SLC35E3: variants seen among roughly 807,000 people sequenced by gnomAD.
The protein encoded by SLC35E3 is solute carrier family 35 member E3, also known as bladder cancer-overexpressed gene 1 protein.
In SLC35E3, 28 loss-of-function variants were observed where a neutral mutation model predicts 30.8. That is an observed-to-expected ratio of 0.91 (90% CI 0.67 to 1.25). SLC35E3 has a LOEUF of 1.25. Among genes scored for constraint, SLC35E3 ranks in the 50% most tolerant of loss-of-function variants. SLC35E3 has a pLI of 0.00. For synonymous variants in SLC35E3, 146 were observed against 149.2 expected, an observed-to-expected ratio of 0.98 and a Z score of 0.16; for missense variants, 365 against 375.4, an observed-to-expected ratio of 0.97 and a Z score of 0.23.
intron 2 of SLC35E3, among the ~76,000 whole-genome samples, chr12:68,748,384 G>C (rs1027669373): frequency 6.6e-6 from 1 of 152,024 alleles, no homozygotes; most frequent in Admixed American, 6.6e-5. Flanking sequence ...TTTTAACATT[G>C]TTGTGAAGGA....
At position 68,759,210 on chromosome 12, in the gene SLC35E3, T is replaced by G; in HGVS notation, c.726T>G (p.Tyr242Ter). ...VIAFMVNLSI[Y>*]WIIGNTSPVT... ...CTTTCATGGTGAACTTATCAATTTA[T>G]TGGATCATTGGGAACACTTCACCTG... is the stretch of plus-strand genomic sequence containing the variant. The change falls in exon 4 of 5, where the codon TAT (tyrosine) becomes TAG (stop). Residue 242 changes from tyrosine (Y) to a stop codon, truncating the protein, a stop_gained. Coordinates refer to ENST00000398004, the MANE Select transcript of SLC35E3 (RefSeq NM_018656.5). LOFTEE classifies it high-confidence loss of function. The G allele has an allele frequency of 1.2e-6, 2 of 1,613,598 alleles. No homozygotes were observed. The highest frequency in any genetic ancestry group is 2.2e-5 in the South Asian group (2 of 91,062).
chr12:68,747,660 TC>T (rs1341674819), intron 1 of SLC35E3, among the ~76,000 whole-genome samples: 2 of 152,254 alleles, frequency 1.3e-5, no homozygotes, highest in African/African-American at 4.8e-5. Flanking sequence ...ACCTTTGTAT[TC>T]ATGTGGTATT....
At chr12:68,747,016 C>G (rs1878609335) in intron 1 of SLC35E3, among the ~76,000 whole-genome samples, 1 of 152,192 alleles carries the variant, frequency 6.6e-6, no homozygotes, top group African/African-American at 2.4e-5. Context: ...TCGTTAAATG[C>G]TGTGATCGAT....
At chr12:68,763,856 G>A (rs1879301825) in intron 4 of SLC35E3, among the ~76,000 whole-genome samples, 2 of 152,154 alleles carry the variant, frequency 1.3e-5, no homozygotes, top group Admixed American at 1.3e-4. Context: ...CTCCACCTCT[G>A]CTACTTAATA....
At chr12:68,750,824 A>G (rs547330641) in intron 2 of SLC35E3, among the ~76,000 whole-genome samples, 3 of 152,270 alleles carry the variant, frequency 2.0e-5, no homozygotes, top group African/African-American at 4.8e-5. Flanking sequence ...GTATGGTTCA[A>G]ATTCCCTGCT....
In SLC35E3 at chr12:68,751,295, G is replaced by GTCTT. The variant is rs202145249; in HGVS notation, c.514-735_514-732dup. On this transcript the variant is annotated intron_variant, in intron 2 of 4. Transcript: ENST00000398004. ...TTGTCATCGTGTCCCCCCAACCTCT[G>GTCTT]TCTTTGTTTTTTTTTTTTTTTAGAC... is the stretch of plus-strand genomic sequence containing the variant. Among the ~76,000 whole-genome samples the GTCTT allele has an allele frequency of 1.5e-3, 143 of 96,016 alleles. 2 individuals carry two copies. The highest frequency in any genetic ancestry group is 3.0e-3 in the African/African-American group (77 of 25,402). 63.0% of individuals were successfully genotyped at this position (96,016 alleles called of 152,430 possible).
rs190015720 is a variant in SLC35E3, at chr12:68,766,449, G to C, written c.*1559G>C. 861 of 159,636 alleles carry C rather than the reference G, an allele frequency of 5.4e-3. 4 individuals carry two copies. Among genetic ancestry groups the C allele is most frequent in the Non-Finnish European group, 9.2e-3 (701 of 75,874 alleles). The allele number at this position is 159,636 out of a possible 1,614,324, so 9.9% of individuals were successfully genotyped here. A position where few individuals can be genotyped will look rare whatever the true frequency, so the allele number is the denominator to read the frequency against. Reference sequence around the variant, plus strand: ...TGTGGTGAGCCGAGATCATGCCATTGCTCTCCAGCCTGGGCAACAAGAGTG... The same window carrying C: ...TGTGGTGAGCCGAGATCATGCCATTCCTCTCCAGCCTGGGCAACAAGAGTG... On this transcript the variant is annotated 3_prime_UTR_variant, in exon 5 of 5. Coordinates refer to ENST00000398004, the MANE Select transcript of SLC35E3 (RefSeq NM_018656.5).
chr12:68,746,222 A>G lies in SLC35E3; in HGVS notation c.-156A>G. The G allele has an allele frequency of 3.0e-6, 2 of 658,840 alleles. No individual in the cohort carries two copies. Among genetic ancestry groups the G allele is most frequent in the African/African-American group, 1.8e-5 (1 of 55,018 alleles). The allele number at this position is 658,840 out of a possible 1,614,324, so 40.8% of individuals were successfully genotyped here. On this transcript the variant is annotated 5_prime_UTR_variant, in exon 1 of 5. Transcript: ENST00000398004. Reference sequence around the variant, plus strand: ...GGCGGCGGGGTGTGTGTCCTCTGTTAAGAGTGCTACTCGCCCGGGGTTGAT... The same window carrying G: ...GGCGGCGGGGTGTGTGTCCTCTGTTGAGAGTGCTACTCGCCCGGGGTTGAT...
chr12:68,764,915 GT>G lies in SLC35E3; in HGVS notation c.*27del, dbSNP rs1327755431. On this transcript the variant is annotated 3_prime_UTR_variant, in exon 5 of 5. Coordinates refer to ENST00000398004, the MANE Select transcript of SLC35E3 (RefSeq NM_018656.5). Reference sequence around the variant, plus strand: ...ATTGGGTTTTTGTGGAGAAAAGAATGTTGTCCCAAGAAGATAAAAAATATTG... The same window carrying G: ...ATTGGGTTTTTGTGGAGAAAAGAATGTGTCCCAAGAAGATAAAAAATATTG... 3.1e-6 allele frequency: 5 copies of G among 1,601,636 alleles called. No homozygotes were observed. The African/African-American group carries it at 4.0e-5, about 13-fold the overall frequency.
At chr12:68,756,912 C>G (rs541555869) in intron 3 of SLC35E3, among the ~76,000 whole-genome samples, 14 of 152,248 alleles carry the variant, frequency 9.2e-5, no homozygotes, top group East Asian at 1.9e-4. Flanking sequence ...CTACTTGGGA[C>G]GCTGAGGCGG....
intron 3 of SLC35E3, among the ~76,000 whole-genome samples, chr12:68,757,039 A>G (rs1196021690): frequency 6.6e-6 from 1 of 152,226 alleles, no homozygotes; most frequent in African/African-American, 2.4e-5. Flanking sequence ...TAATGGCATG[A>G]TCATCTCAAT....
rs1257284922 is a variant in SLC35E3 at position 68,768,701 on chromosome 12, G to A, written c.*3811G>A. 6.6e-6 allele frequency: 1 copy of A among 152,182 alleles called. No homozygotes were observed. Among genetic ancestry groups the A allele is most frequent in the Non-Finnish European group, 1.5e-5 (1 of 68,040 alleles). 9.4% of individuals were successfully genotyped at this position (152,182 alleles called of 1,614,324 possible). A position where few individuals can be genotyped will look rare whatever the true frequency, so the allele number is the denominator to read the frequency against. The stretch of plus-strand genomic sequence containing the variant: ...TACTTCTGTATTGCATATGAGAGCT[G>A]ATGGAAGAAGGATGGCATCTGTGTA... On this transcript the variant is annotated 3_prime_UTR_variant, in exon 5 of 5. Transcript: ENST00000398004.
chr12:68,769,906 G>A lies in SLC35E3; in HGVS notation c.*5016G>A, dbSNP rs1242721842. 1 of 152,146 alleles carries A rather than the reference G, an allele frequency of 6.6e-6. No homozygotes were observed. The highest frequency in any genetic ancestry group is 1.5e-5 in the Non-Finnish European group (1 of 68,032). 9.4% of individuals were successfully genotyped at this position (152,146 alleles called of 1,614,324 possible). A position where few individuals can be genotyped will look rare whatever the true frequency, so the allele number is the denominator to read the frequency against. On this transcript the variant is annotated 3_prime_UTR_variant, in exon 5 of 5. Coordinates refer to ENST00000398004, the MANE Select transcript of SLC35E3 (RefSeq NM_018656.5). ...TGTGATCTTAAGGAACATTTGTCTA[G>A]TATTAGAGATAGGACTAATTAAACA...
Position 68,747,922 on chromosome 12 carries a change from C to T in SLC35E3, c.403-8C>T, listed in dbSNP as rs755521339. On this transcript the variant is annotated splice_polypyrimidine_tract_variant and splice_region_variant and intron_variant, in intron 1 of 4. Transcript: ENST00000398004. ...ATCTGAACAACATTTACCTCTTTTT[C>T]GTTACAGATTCCTATAACTTTAGGT... The T allele has an allele frequency of 2.4e-5, 34 of 1,410,092 alleles. No individual in the cohort carries two copies. The highest frequency in any genetic ancestry group is 3.3e-5 in the Non-Finnish European group (33 of 1,003,902). 87.3% of individuals were successfully genotyped at this position (1,410,092 alleles called of 1,614,324 possible).
At chr12:68,748,893 T>C (rs546359247) in intron 2 of SLC35E3, among the ~76,000 whole-genome samples, 2 of 152,338 alleles carry the variant, frequency 1.3e-5, no homozygotes, top group Non-Finnish European at 2.9e-5. Flanking sequence ...AGTTCAGTAA[T>C]AGAGCCCTGG....
intron 3 of SLC35E3, among the ~76,000 whole-genome samples, chr12:68,758,739 T>C (rs1340599002): frequency 1.9e-5 from 2 of 107,990 alleles, no homozygotes; most frequent in African/African-American, 7.9e-5. Context: ...CTTTTTTTTT[T>C]TTTTTTTTTT....
intron 3 of SLC35E3, among the ~76,000 whole-genome samples, chr12:68,758,664 T>G (rs1879119735): frequency 6.6e-6 from 1 of 151,332 alleles, no homozygotes; most frequent in Admixed American, 6.6e-5. Context: ...ACGTTTTTTC[T>G]AAACACGGTT....
chr12:68,746,915 T>C (rs1878604586), intron 1 of SLC35E3, 136 bp downstream of exon 1: 11 of 1,001,282 alleles, frequency 1.1e-5, no homozygotes, highest in Non-Finnish European at 1.6e-5. Flanking sequence ...ATGTGAACTT[T>C]TAGGCTTATT....
At chr12:68,753,722 A>G (rs1878893012) in intron 3 of SLC35E3, among the ~76,000 whole-genome samples, 1 of 150,388 alleles carries the variant, frequency 6.6e-6, no homozygotes, top group Non-Finnish European at 1.5e-5. Flanking sequence ...TCCACATTCC[A>G]TTACCCCCTA....
Sources: gnomAD v4.1 joint callset for allele counts (sites outside exome capture counted in the v4.1 genomes callset) on GRCh38, gnomAD v4.1.1 for gene constraint, MANE v1.5 for transcripts, NCBI Gene and HGNC (gene_info 2026-07-23, HGNC 2026-07-21) for gene names.